The following CDH19 variants were observed in gnomAD, a reference collection of about 807,000 sequenced individuals.
CDH19 encodes the protein cadherin 19.
CDH19 carries 67 observed loss-of-function variants against 64.2 expected under a neutral mutation model. That is an observed-to-expected ratio of 1.04 (90% CI 0.86 to 1.28). The LOEUF (loss-of-function observed/expected upper bound fraction) is 1.28, where lower values mean the gene tolerates loss of function less well. Ranked by LOEUF, CDH19 falls within the 50% of genes most tolerant of loss-of-function variation. The pLI, the probability that CDH19 is intolerant of heterozygous loss-of-function variation, is 0.00. For synonymous variants in CDH19, 346 were observed against 319.3 expected (o/e 1.08, Z -0.89); for missense variants, 1,030 against 929.0 (o/e 1.11, Z -1.41).
chr18:66,595,994 C>T (rs1192036848), intron 1 of CDH19, among the ~76,000 whole-genome samples: 1 of 152,022 alleles, frequency 6.6e-6, no homozygotes, highest in East Asian at 1.9e-4. Flanking sequence ...TCCTGGGATG[C>T]AAGATTAGTT....
chr18:66,585,073 A>T (rs1451090498), intron 1 of CDH19, among the ~76,000 whole-genome samples: 1 of 152,062 alleles, frequency 6.6e-6, no homozygotes, highest in Non-Finnish European at 1.5e-5. Flanking sequence ...CAACCGTTGA[A>T]TACAAACATT....
intron 9 of CDH19, among the ~76,000 whole-genome samples, chr18:66,523,872 T>G (rs1441282646): frequency 8.1e-6 from 1 of 123,466 alleles, no homozygotes; most frequent in Non-Finnish European, 1.6e-5. Flanking sequence ...GGCTCAACCT[T>G]GCACTCACCG....
At chr18:66,537,708 TGGA>T (rs1986729558) in intron 7 of CDH19, among the ~76,000 whole-genome samples, 2 of 152,058 alleles carry the variant, frequency 1.3e-5, no homozygotes, top group South Asian at 4.1e-4. Context: ...ACAACAGCTC[TGGA>T]TTCCAGTTAT....
intron 9 of CDH19, among the ~76,000 whole-genome samples, chr18:66,512,250 G>C (rs1006375467): frequency 6.6e-6 from 1 of 151,452 alleles, no homozygotes; most frequent in African/African-American, 2.4e-5. Context: ...CATCAAATAA[G>C]TTCATCTCTA....
chr18:66,505,387 G>A (rs2144326099), intron 11 of CDH19, 85 bp from the exon 12 acceptor site: 2 of 1,081,806 alleles, frequency 1.8e-6, no homozygotes, highest in Non-Finnish European at 2.5e-6. Context: ...TCAAGCTCAA[G>A]ATGAGTGCTT....
At chr18:66,538,448 C>A (rs1292427103) in intron 7 of CDH19, among the ~76,000 whole-genome samples, 1 of 151,850 alleles carries the variant, frequency 6.6e-6, no homozygotes, top group East Asian at 1.9e-4. Context: ...ATTTTATCAC[C>A]CTCCTTTCCT....
At chr18:66,560,751 ATCTG>A (rs1987690608) in intron 3 of CDH19, among the ~76,000 whole-genome samples, 1 of 151,982 alleles carries the variant, frequency 6.6e-6, no homozygotes, top group Non-Finnish European at 1.5e-5. Context: ...AGGGTGCATT[ATCTG>A]ATAAGAACAT....
intron 5 of CDH19, among the ~76,000 whole-genome samples, chr18:66,549,369 C>G (rs948903957): frequency 8.6e-5 from 13 of 151,838 alleles, no homozygotes; most frequent in African/African-American, 2.7e-4. Flanking sequence ...AAATTTAGAC[C>G]AAATTTATTT....
chr18:66,520,134 G>A lies in CDH19; in HGVS notation c.1459-8449C>T, dbSNP rs374958799. On this transcript the variant is annotated intron_variant, in intron 9 of 11. Coordinates refer to ENST00000262150, the MANE Select transcript of CDH19 (RefSeq NM_021153.4). ...CGGGAGGCAGAGGTTGCAGTGAGCC[G>A]AGATTGCACTACTGCACTCCAGCCT... is the stretch of plus-strand genomic sequence containing the variant. 3.9e-5 allele frequency among the ~76,000 whole-genome samples: 6 copies of A among 152,004 alleles called. No homozygotes were observed. The East Asian group carries it at 5.8e-4, about 15-fold the overall frequency.
intron 7 of CDH19, among the ~76,000 whole-genome samples, chr18:66,541,882 A>G (rs1986899972): frequency 1.3e-5 from 2 of 152,156 alleles, no homozygotes. Flanking sequence ...GTTGTACCTT[A>G]GGTTTTTCTT....
intron 4 of CDH19, among the ~76,000 whole-genome samples, chr18:66,552,667 G>T (rs781643831): frequency 2.2e-5 from 3 of 134,612 alleles, no homozygotes; most frequent in Admixed American, 2.2e-4. Flanking sequence ...TGGATCTTAT[G>T]CACTTCAGAA....
At chr18:66,513,511 T>C (rs1056529304) in intron 9 of CDH19, among the ~76,000 whole-genome samples, 1 of 151,426 alleles carries the variant, frequency 6.6e-6, no homozygotes, top group Non-Finnish European at 1.5e-5. Flanking sequence ...TGAAGTTACC[T>C]TGAACAGGTA....
chr18:66,542,246 A>G (rs1371939756), intron 7 of CDH19, among the ~76,000 whole-genome samples: 1 of 152,174 alleles, frequency 6.6e-6, no homozygotes, highest in Non-Finnish European at 1.5e-5. Context: ...TCAGAAGGCA[A>G]CATTTTATGA....
At chr18:66,557,315 C>T (rs2144532651) in intron 3 of CDH19, among the ~76,000 whole-genome samples, 1 of 152,032 alleles carries the variant, frequency 6.6e-6, no homozygotes, top group South Asian at 2.1e-4. Context: ...TAGTGACATG[C>T]CAGAGCAGGT....
At chr18:66,515,118 G>T (rs187768114) in intron 9 of CDH19, among the ~76,000 whole-genome samples, 7 of 151,670 alleles carry the variant, frequency 4.6e-5, no homozygotes, top group Admixed American at 4.6e-4. Flanking sequence ...ATAAAAAAAT[G>T]CTTCTCAATA....
At chr18:66,513,498 T>A (rs939509105) in intron 9 of CDH19, among the ~76,000 whole-genome samples, 3 of 151,530 alleles carry the variant, frequency 2.0e-5, no homozygotes, top group Non-Finnish European at 3.0e-5. Context: ...TTATGAATTT[T>A]ATTGAAGTTA....
intron 1 of CDH19, among the ~76,000 whole-genome samples, chr18:66,585,782 G>T (rs973461027): frequency 6.6e-6 from 1 of 151,880 alleles, no homozygotes; most frequent in African/African-American, 2.4e-5. Context: ...TGTTCCACAT[G>T]TATTTTCAAA....
chr18:66,554,547 A>G (rs748713365), intron 3 of CDH19, 23 bp from the exon 4 acceptor site: 1 of 1,597,556 alleles, frequency 6.3e-7, no homozygotes, highest in Non-Finnish European at 8.5e-7. Flanking sequence ...TAATACAGGA[A>G]ATTAAGATTG....
Position 66,585,893 on chromosome 18 carries a change from A to AT in CDH19, c.-112-13578dup, listed in dbSNP as rs200730194. ...AATACATGATATTGCATGGACATAT[A>AT]TAAGCTGAAAATGAGCCCAGTGTGA... On this transcript the variant is annotated intron_variant, in intron 1 of 11. Transcript: ENST00000262150. Among the ~76,000 whole-genome samples, 8 of 152,226 alleles carry AT rather than the reference A, an allele frequency of 5.3e-5. No homozygotes were observed. In the East Asian group the frequency reaches 1.4e-3, roughly 26 times the overall value.
Sources: allele counts gnomAD v4.1 joint callset (sites outside exome capture counted in the v4.1 genomes callset), GRCh38; gene constraint gnomAD v4.1.1; transcripts MANE v1.5; gene names NCBI Gene and HGNC (gene_info 2026-07-23, HGNC 2026-07-21).